Variants in CYRIA observed in about 807,000 individuals in gnomAD.
The protein encoded by CYRIA is CYFIP related Rac1 interactor A.
In CYRIA, 15 loss-of-function variants were observed where a neutral mutation model predicts 43.9. The ratio of observed to expected loss-of-function variants is 0.34; its 90% CI spans 0.23 to 0.53. The LOEUF is 0.53. Ranked by LOEUF, CYRIA falls within the 20% of genes least tolerant of loss-of-function variation. The pLI is 0.94. For synonymous variants in CYRIA, 117 were observed against 136.0 expected, an observed-to-expected ratio of 0.86 and a Z score of 0.97; for missense variants, 236 against 394.2, an observed-to-expected ratio of 0.60 and a Z score of 3.40.
intron 1 of CYRIA, among the ~76,000 whole-genome samples, chr2:16,630,733 G>A (rs1669304430): frequency 6.6e-6 from 1 of 152,192 alleles, no homozygotes; most frequent in African/African-American, 2.4e-5. Context: ...AACCCAAGGA[G>A]ACCAGCTTCC....
At chr2:16,582,273 G>C (rs1667577671) in intron 3 of CYRIA, among the ~76,000 whole-genome samples, 1 of 152,284 alleles carries the variant, frequency 6.6e-6, no homozygotes, top group Non-Finnish European at 1.5e-5. Context: ...ACGGAATAAT[G>C]TCAGCATTAG....
intron 1 of CYRIA, among the ~76,000 whole-genome samples, chr2:16,634,741 G>A (rs1405551660): frequency 1.3e-5 from 2 of 152,188 alleles, no homozygotes; most frequent in African/African-American, 2.4e-5. Context: ...GGACTTGGGG[G>A]CATTCTGAGC....
At chr2:16,602,443 A>G (rs1668246603) in intron 2 of CYRIA, among the ~76,000 whole-genome samples, 1 of 152,164 alleles carries the variant, frequency 6.6e-6, no homozygotes, top group Non-Finnish European at 1.5e-5. Context: ...ATAATTTCAC[A>G]TCTTTGTCAA....
At chr2:16,636,279 A>G (rs1249625148) in intron 1 of CYRIA, among the ~76,000 whole-genome samples, 1 of 152,108 alleles carries the variant, frequency 6.6e-6, no homozygotes, top group African/African-American at 2.4e-5. Context: ...AAACCATCCG[A>G]CTCACAAAGC....
chr2:16,555,288 C>T (rs998489898), intron 10 of CYRIA, 149 bp from the exon 11 acceptor site: 3 of 709,312 alleles, frequency 4.2e-6, no homozygotes, highest in Non-Finnish European at 7.2e-6. Context: ...CCTACCCCCT[C>T]AGGCTGGTGA....
chr2:16,587,865 A>G (rs1667788488), intron 3 of CYRIA, among the ~76,000 whole-genome samples, 185 bp downstream of exon 3: 1 of 152,136 alleles, frequency 6.6e-6, no homozygotes, highest in Non-Finnish European at 1.5e-5. Context: ...ACCGTGAGTC[A>G]AACCTCTTTC....
chr2:16,659,027 C>T (rs1213593097), intron 1 of CYRIA, among the ~76,000 whole-genome samples: 2 of 152,210 alleles, frequency 1.3e-5, no homozygotes, highest in South Asian at 4.1e-4. Context: ...TGGCATCCTC[C>T]GTGGAGGTGG....
intron 10 of CYRIA, among the ~76,000 whole-genome samples, 154 bp downstream of exon 10, chr2:16,559,306 A>G (rs935324665): frequency 6.6e-6 from 1 of 152,146 alleles, no homozygotes; most frequent in African/African-American, 2.4e-5. Flanking sequence ...AAAAGCCTGG[A>G]CATCTTGCTG....
At chr2:16,628,958 T>C (rs1487930258) in intron 1 of CYRIA, among the ~76,000 whole-genome samples, 1 of 152,144 alleles carries the variant, frequency 6.6e-6, no homozygotes, top group Non-Finnish European at 1.5e-5. Flanking sequence ...ATTCAAACAG[T>C]GTATTTTAAA....
In CYRIA at chr2:16,665,546, G is replaced by A. The variant is rs1440417194; in HGVS notation, c.-167+234C>T. Among the ~76,000 whole-genome samples, 3 of 152,198 alleles carry A rather than the reference G, an allele frequency of 2.0e-5. No individual in the cohort carries two copies. The East Asian group carries it at 5.8e-4, about 30-fold the overall frequency. ...AGGAGGCAGCCCTCTCAGAAAGAGGGCAACGGGGCACAAAGCCGGACCTCT... is the reference window on the plus strand; with the variant it reads ...AGGAGGCAGCCCTCTCAGAAAGAGGACAACGGGGCACAAAGCCGGACCTCT... On this transcript the variant is annotated intron_variant, in intron 1 of 11. Coordinates refer to ENST00000381323, the MANE Select transcript of CYRIA (RefSeq NM_030797.4).
intron 1 of CYRIA, among the ~76,000 whole-genome samples, chr2:16,638,770 G>A (rs929372056): frequency 2.6e-5 from 4 of 152,084 alleles, no homozygotes; most frequent in East Asian, 1.9e-4. Context: ...ATTTTATATC[G>A]TGTGAGTGTG....
intron 3 of CYRIA, among the ~76,000 whole-genome samples, chr2:16,568,918 C>A (rs918709257): frequency 6.6e-6 from 1 of 152,030 alleles, no homozygotes; most frequent in African/African-American, 2.4e-5. Context: ...GAGAGGAGAG[C>A]TGGAAATTTT....
At chr2:16,581,045 G>C (rs35210707) in intron 3 of CYRIA, among the ~76,000 whole-genome samples, 36,949 of 152,024 alleles carry the variant, frequency 0.24, 4,801 homozygotes, top group Admixed American at 0.3. Flanking sequence ...CTTGGTATAG[G>C]TCATAATTTC....
chr2:16,632,337 C>A (rs1669349985), intron 1 of CYRIA, among the ~76,000 whole-genome samples: 2 of 152,178 alleles, frequency 1.3e-5, no homozygotes, highest in Non-Finnish European at 2.9e-5. Flanking sequence ...GACAATGAAG[C>A]CTCTTCTATA....
intron 1 of CYRIA, among the ~76,000 whole-genome samples, chr2:16,663,483 G>A (rs1670316683): frequency 6.6e-6 from 1 of 152,138 alleles, no homozygotes; most frequent in Admixed American, 6.5e-5. Flanking sequence ...CACCAGGGAA[G>A]GGAAGGAACA....
chr2:16,564,192 T>G, intron 4 of CYRIA, 98 bp from the exon 5 acceptor site: 1 of 903,500 alleles, frequency 1.1e-6, no homozygotes, highest in Non-Finnish European at 1.7e-6. Context: ...CTTGCTATAC[T>G]TTGCTGATGT....
At chr2:16,599,810 G>T (rs1383066262) in intron 2 of CYRIA, among the ~76,000 whole-genome samples, 2 of 152,136 alleles carry the variant, frequency 1.3e-5, no homozygotes, top group Non-Finnish European at 2.9e-5. Context: ...AGGCTGGAGT[G>T]CAGTAGCGCA....
At chr2:16,644,279 C>T (rs1203016547) in intron 1 of CYRIA, among the ~76,000 whole-genome samples, 3 of 152,146 alleles carry the variant, frequency 2.0e-5, no homozygotes, top group African/African-American at 4.8e-5. Flanking sequence ...GGTAGAGAGC[C>T]GATGTGAGTG....
chr2:16,567,272 T>C (rs1666968385), intron 3 of CYRIA, among the ~76,000 whole-genome samples: 1 of 151,836 alleles, frequency 6.6e-6, no homozygotes, highest in Non-Finnish European at 1.5e-5. Flanking sequence ...GGCATGGTGG[T>C]GCATGCCTGT....
Sources: gnomAD v4.1 joint callset for allele counts (sites outside exome capture counted in the v4.1 genomes callset) on GRCh38, gnomAD v4.1.1 for gene constraint, MANE v1.5 for transcripts, NCBI Gene and HGNC (gene_info 2026-07-23, HGNC 2026-07-21) for gene names.